The following GPC4 variants were observed in gnomAD, a reference collection of about 807,000 sequenced individuals.
GPC4 encodes the protein glypican 4, also known as glypican-4.
GPC4 carries 10 observed loss-of-function variants against 35.0 expected under a neutral mutation model. The ratio of observed to expected loss-of-function variants is 0.29; its 90% CI spans 0.18 to 0.48. GPC4 has a LOEUF of 0.48. GPC4 is among the 20% of genes least tolerant of loss of function. The pLI, the probability that GPC4 is intolerant of heterozygous loss-of-function variation, is 0.99. For synonymous variants in GPC4, 167 were observed against 170.2 expected, an observed-to-expected ratio of 0.98 and a Z score of 0.15; for missense variants, 322 against 451.3, an observed-to-expected ratio of 0.71 and a Z score of 2.60.
At chrX:133,315,269 T>G (rs901931018) in intron 3 of GPC4, among the ~76,000 whole-genome samples, 1 of 110,703 alleles carries the variant, frequency 9.0e-6, no homozygotes, top group African/African-American at 3.3e-5. Flanking sequence ...GATCTTAAAT[T>G]TTCAGATTTG....
intron 3 of GPC4, among the ~76,000 whole-genome samples, chrX:133,317,413 T>C (rs927059942): frequency 3.6e-5 from 4 of 111,188 alleles, no homozygotes; most frequent in Non-Finnish European, 5.7e-5. Context: ...TCTTTTCATA[T>C]ACATTGAGAC....
intron 1 of GPC4, among the ~76,000 whole-genome samples, chrX:133,347,406 A>G (rs945335171): frequency 9.1e-6 from 1 of 109,383 alleles, no homozygotes; most frequent in Non-Finnish European, 1.9e-5. Flanking sequence ...GAGCTGTATT[A>G]AGCTATTATT....
Position 133,311,242 on chromosome X carries a change from T to A in GPC4, c.877+16A>T, listed in dbSNP as rs1402039827. ...AGCTATCTCCAGCAACACAAATATGTTAACCACTTGCTCACCTATGAAATT... is the reference window on the plus strand; with the variant it reads ...AGCTATCTCCAGCAACACAAATATGATAACCACTTGCTCACCTATGAAATT... On this transcript the variant is annotated intron_variant, in intron 4 of 8. Transcript: ENST00000370828. The A allele has an allele frequency of 4.1e-6, 5 of 1,205,107 alleles. No homozygotes were observed. The Admixed American group carries it at 6.6e-5, about 16-fold the overall frequency.
chrX:133,311,818 G>A (rs1257782840), intron 3 of GPC4, among the ~76,000 whole-genome samples: 2 of 111,568 alleles, frequency 1.8e-5, no homozygotes, highest in East Asian at 2.8e-4. Flanking sequence ...CACCATGCAC[G>A]TCCTGCTAAT....
chrX:133,388,952 C>CTTTTT (rs759257116), intron 1 of GPC4, among the ~76,000 whole-genome samples: 2 of 53,469 alleles, frequency 3.7e-5, no homozygotes, highest in Admixed American at 3.0e-4. Flanking sequence ...TACCCATAGC[C>CTTTTT]TTTTTTTTTT....
chrX:133,397,506 G>A (rs1050870375), intron 1 of GPC4, among the ~76,000 whole-genome samples: 9 of 109,755 alleles, frequency 8.2e-5, no homozygotes, highest in African/African-American at 3.0e-4. Context: ...GCAGTGAGCC[G>A]TGATCACACC....
rs760030484 is a variant in GPC4 at position 133,338,518 on chromosome X, A to T, written c.319+665T>A. Among the ~76,000 whole-genome samples, 8 of 111,886 alleles carry T rather than the reference A, an allele frequency of 7.2e-5. No individual in the cohort carries two copies. The East Asian group carries it at 1.7e-3, about 24-fold the overall frequency. ...CAAAGTACACTTTCAATTGGCTCAT[A>T]TTGGCTATTTCTTCAATATTAAGAG... is the stretch of plus-strand genomic sequence containing the variant. On this transcript the variant is annotated intron_variant, in intron 2 of 8. Coordinates refer to ENST00000370828, the MANE Select transcript of GPC4 (RefSeq NM_001448.3).
chrX:133,341,000 A>T (rs6638076), intron 1 of GPC4, among the ~76,000 whole-genome samples: 4 of 109,283 alleles, frequency 3.7e-5, no homozygotes. Flanking sequence ...CAGAAAAAAA[A>T]GGGAAAAAAA....
At chrX:133,320,788 G>C (rs1213514164) in intron 3 of GPC4, among the ~76,000 whole-genome samples, 1 of 110,005 alleles carries the variant, frequency 9.1e-6, no homozygotes, top group African/African-American at 3.3e-5. Context: ...TGGGAGGATC[G>C]CTTGAGGCCA....
At chrX:133,311,541 T>C in intron 3 of GPC4, 118 bp from the exon 4 acceptor site, 1 of 664,135 alleles carries the variant, frequency 1.5e-6, no homozygotes, top group Non-Finnish European at 2.4e-6. Flanking sequence ...TTGTGATTGA[T>C]CACAATTAGT....
chrX:133,339,640 A>G (rs188520522), intron 1 of GPC4, among the ~76,000 whole-genome samples: 89 of 112,698 alleles, frequency 7.9e-4, no homozygotes, highest in Non-Finnish European at 1.1e-3. Flanking sequence ...TCTCTTTTAT[A>G]AATTCCCAGA....
At chrX:133,339,591 G>A (rs1476858477) in intron 1 of GPC4, among the ~76,000 whole-genome samples, 1 of 112,160 alleles carries the variant, frequency 8.9e-6, no homozygotes, top group Admixed American at 9.5e-5. Flanking sequence ...GAAAACTGGT[G>A]TAGTCAATAA....
At chrX:133,326,018 T>TTG (rs1228705243) in intron 2 of GPC4, among the ~76,000 whole-genome samples, 4 of 79,987 alleles carry the variant, frequency 5.0e-5, no homozygotes, top group African/African-American at 3.4e-4. Flanking sequence ...TAGGTATGGC[T>TTG]TGTGTTTTTT....
chrX:133,347,248 GTTTTTTTTTTTTT>G (rs763800349), intron 1 of GPC4, among the ~76,000 whole-genome samples: 13 of 25,429 alleles, frequency 5.1e-4, no homozygotes, highest in South Asian at 5.5e-3. Context: ...TCTATTAGAA[GTTTTTTTTTTTTT>G]TTTTTTTTTT....
At chrX:133,375,099 T>C (rs933968015) in intron 1 of GPC4, among the ~76,000 whole-genome samples, 1 of 112,423 alleles carries the variant, frequency 8.9e-6, no homozygotes, top group Non-Finnish European at 1.9e-5. Context: ...GTAAATATCA[T>C]CTATCATGCA....
chrX:133,373,285 C>T (rs1280513050), intron 1 of GPC4, among the ~76,000 whole-genome samples: 1 of 111,292 alleles, frequency 9.0e-6, no homozygotes, highest in East Asian at 2.8e-4. Context: ...GGGAGAAATG[C>T]ATCCATTTCT....
At chrX:133,321,762 G>T (rs1046171747) in intron 3 of GPC4, among the ~76,000 whole-genome samples, 2 of 111,953 alleles carry the variant, frequency 1.8e-5, no homozygotes, top group African/African-American at 3.2e-5. Context: ...GTTGGCAGAA[G>T]TTCAAGAATC....
chrX:133,398,867 G>GC (rs2068756373), intron 1 of GPC4, among the ~76,000 whole-genome samples: 2 of 111,317 alleles, frequency 1.8e-5, no homozygotes, highest in Admixed American at 1.9e-4. Flanking sequence ...TCTGTTCTCA[G>GC]AGCAGCAGCA....
chrX:133,410,143 G>C (rs2068806718), intron 1 of GPC4, among the ~76,000 whole-genome samples: 1 of 111,910 alleles, frequency 8.9e-6, no homozygotes, highest in Admixed American at 9.5e-5. Context: ...ACTATAACAC[G>C]AAAATTGTGC....
Sources: gnomAD v4.1 joint callset for allele counts (sites outside exome capture counted in the v4.1 genomes callset) on GRCh38, gnomAD v4.1.1 for gene constraint, MANE v1.5 for transcripts, NCBI Gene and HGNC (gene_info 2026-07-23, HGNC 2026-07-21) for gene names.